The following SPATS1 variants were observed in gnomAD, a reference collection of about 807,000 sequenced individuals.
SPATS1 encodes the protein spermatogenesis associated serine rich 1.
Under a neutral mutation model 33.6 loss-of-function variants are expected in SPATS1, and 23 were observed. The observed-to-expected ratio is 0.68, with a 90% CI of 0.49 to 0.97. The LOEUF (loss-of-function observed/expected upper bound fraction) is 0.97, where lower values mean the gene tolerates loss of function less well. SPATS1 is among the 50% of genes least tolerant of loss of function. The pLI, the probability that SPATS1 is intolerant of heterozygous loss-of-function variation, is 0.00. For missense variants in SPATS1, 327 were observed against 361.0 expected, an observed-to-expected ratio of 0.91 and a Z score of 0.76; for synonymous variants, 131 against 125.6, an observed-to-expected ratio of 1.04 and a Z score of -0.29.
At chr6:44,358,740 T>C (rs1258287634) in intron 3 of SPATS1, among the ~76,000 whole-genome samples, 1 of 152,182 alleles carries the variant, frequency 6.6e-6, no homozygotes, top group African/African-American at 2.4e-5. Flanking sequence ...CCCTCTAGTC[T>C]GAGACAACCA....
intron 2 of SPATS1, among the ~76,000 whole-genome samples, chr6:44,348,143 G>A (rs1397703283): frequency 2.0e-5 from 3 of 151,816 alleles, no homozygotes; most frequent in Non-Finnish European, 4.4e-5. Flanking sequence ...TGAGTAACGG[G>A]GATTACAGGC....
At chr6:44,346,010 A>C (rs1787856592) in intron 2 of SPATS1, among the ~76,000 whole-genome samples, 1 of 152,172 alleles carries the variant, frequency 6.6e-6, no homozygotes, top group African/African-American at 2.4e-5. Context: ...GGATGGGGCC[A>C]CGTACAGTGT....
At chr6:44,354,282 C>T (rs7760813) in intron 3 of SPATS1, among the ~76,000 whole-genome samples, 118,456 of 151,182 alleles carry the variant, frequency 0.78, 46,509 homozygotes, top group Middle Eastern at 0.82. Context: ...TGCAGTGAGC[C>T]ATGATCGAGC....
At chr6:44,363,074 T>C (rs1423395824) in intron 5 of SPATS1, among the ~76,000 whole-genome samples, 1 of 151,916 alleles carries the variant, frequency 6.6e-6, no homozygotes, top group East Asian at 1.9e-4. Context: ...GGACCTCAGG[T>C]GATTCGCCTG....
At chr6:44,362,504 G>A (rs1788981487) in intron 5 of SPATS1, among the ~76,000 whole-genome samples, 2 of 151,998 alleles carry the variant, frequency 1.3e-5, no homozygotes, top group Non-Finnish European at 2.9e-5. Flanking sequence ...TGAGTTCTTT[G>A]CCCCAACCTA....
At chr6:44,356,616 C>A (rs1419195886) in intron 3 of SPATS1, among the ~76,000 whole-genome samples, 1 of 152,148 alleles carries the variant, frequency 6.6e-6, no homozygotes, top group Admixed American at 6.5e-5. Context: ...GGATTCACTT[C>A]CTCACAGGCT....
chr6:44,370,201 T>C, intron 7 of SPATS1, 88 bp downstream of exon 7: 1 of 1,257,090 alleles, frequency 8.0e-7, no homozygotes, highest in African/African-American at 1.5e-5. Context: ...AGCAGGTAGA[T>C]AACCAGGACA....
At chr6:44,348,465 T>G (rs1788035828) in intron 2 of SPATS1, among the ~76,000 whole-genome samples, 1 of 152,074 alleles carries the variant, frequency 6.6e-6, no homozygotes, top group African/African-American at 2.4e-5. Flanking sequence ...TTTTTTTTTC[T>G]TATTTCTTAA....
At chr6:44,343,469 C>G (rs1428684836) in intron 2 of SPATS1, 3 of 620,894 alleles carry the variant, frequency 4.8e-6, no homozygotes, top group Admixed American at 4.2e-5. Context: ...GATCTCACAG[C>G]AGTGGAGAAG....
Position 44,371,659 on chromosome 6 carries a change from T to C in SPATS1, c.758+1546T>C, listed in dbSNP as rs879589366. Among the ~76,000 whole-genome samples the C allele has an allele frequency of 5.9e-5, 9 of 152,248 alleles. 1 individual carries two copies. The highest frequency in any genetic ancestry group is 5.9e-4 in the Admixed American group (9 of 15,296). ...GTAATAGCTGTTTAAAGATTTTTGT[T>C]TGTGGGCTGGGCGCGGTGGCTCATG... On this transcript the variant is annotated intron_variant, in intron 7 of 8. Coordinates refer to ENST00000674044, the MANE Select transcript of SPATS1 (RefSeq NM_001372081.1).
intron 5 of SPATS1, among the ~76,000 whole-genome samples, chr6:44,365,164 T>C (rs1259243521): frequency 6.6e-6 from 1 of 152,218 alleles, no homozygotes. Context: ...TAAACTGGAA[T>C]GCAACGCATT....
chr6:44,346,964 G>A (rs2153364860), intron 2 of SPATS1, among the ~76,000 whole-genome samples: 1 of 152,244 alleles, frequency 6.6e-6, no homozygotes, highest in Admixed American at 6.5e-5. Flanking sequence ...GCAAAGACTT[G>A]GAACCAACCC....
At chr6:44,350,537 CA>C (rs1377024522) in intron 2 of SPATS1, among the ~76,000 whole-genome samples, 5 of 152,170 alleles carry the variant, frequency 3.3e-5, no homozygotes, top group Admixed American at 3.3e-4. Context: ...TGAGAAGCCC[CA>C]GAGTGGGAGG....
chr6:44,348,172 C>A (rs996438813), intron 2 of SPATS1, among the ~76,000 whole-genome samples: 2 of 152,000 alleles, frequency 1.3e-5, no homozygotes, highest in African/African-American at 4.8e-5. Context: ...CCATGCCCGG[C>A]TGATTTTTGT....
chr6:44,356,112 A>G (rs1788574277), intron 3 of SPATS1, among the ~76,000 whole-genome samples: 2 of 151,962 alleles, frequency 1.3e-5, no homozygotes, highest in Non-Finnish European at 2.9e-5. Context: ...CAAACTCAAC[A>G]TGCCTTGACT....
At chr6:44,350,645 C>T (rs1788177547) in intron 2 of SPATS1, among the ~76,000 whole-genome samples, 1 of 151,998 alleles carries the variant, frequency 6.6e-6, no homozygotes, top group African/African-American at 2.4e-5. Context: ...TAGATCGGGA[C>T]TTGATAAGAA....
chr6:44,369,152 T>C (rs1450596227), intron 6 of SPATS1, among the ~76,000 whole-genome samples: 4 of 152,120 alleles, frequency 2.6e-5, no homozygotes, highest in Non-Finnish European at 5.9e-5. Context: ...CGCCTTGGCC[T>C]CCCAAAGTGC....
intron 6 of SPATS1, among the ~76,000 whole-genome samples, chr6:44,369,254 A>G (rs1789446229): frequency 6.6e-6 from 1 of 152,046 alleles, no homozygotes; most frequent in South Asian, 2.1e-4. Flanking sequence ...CAAAACTAAA[A>G]TCTGTGGGCC....
At chr6:44,346,766 T>G (rs529138536) in intron 2 of SPATS1, among the ~76,000 whole-genome samples, 2 of 152,346 alleles carry the variant, frequency 1.3e-5, no homozygotes, top group East Asian at 3.9e-4. Flanking sequence ...TATAAATTTA[T>G]AAAAGCTCAA....
Sources: allele counts gnomAD v4.1 joint callset (sites outside exome capture counted in the v4.1 genomes callset), GRCh38; gene constraint gnomAD v4.1.1; transcripts MANE v1.5; gene names NCBI Gene and HGNC (gene_info 2026-07-23, HGNC 2026-07-21).